BIN1: variants seen among roughly 807,000 people sequenced by gnomAD.
BIN1 encodes the protein myc box-dependent-interacting protein 1.
Under a neutral mutation model 82.0 loss-of-function variants are expected in BIN1, and 53 were observed. That is an observed-to-expected ratio of 0.65 (90% confidence interval 0.52 to 0.81). The LOEUF is 0.81. Ranked by LOEUF, BIN1 falls within the 40% of genes least tolerant of loss-of-function variation. The probability of loss-of-function intolerance (pLI) is 0.00; values close to 1 mark genes in which losing one functional copy is unlikely to be tolerated. For missense variants in BIN1, 642 were observed against 784.4 expected (o/e 0.82, Z 2.17); for synonymous variants, 302 against 328.0 (o/e 0.92, Z 0.86).
chr2:127,050,270 G>A (rs948874070), intron 18 of BIN1, 151 bp downstream of exon 18: 13 of 749,272 alleles, frequency 1.7e-5, no homozygotes, highest in Non-Finnish European at 2.8e-5. Flanking sequence ...AAAGCCCGAC[G>A]TGGAGGGCGG....
Position 127,057,404 on chromosome 2 carries a change from G to T in BIN1, c.1131+69C>A. On this transcript the variant is annotated intron_variant, in intron 12 of 18. Transcript: ENST00000316724. The surrounding 1 kb of genome is among the most constrained non-coding windows in gnomAD (Gnocchi z 5.0). Reference sequence around the variant, plus strand: ...TGGCTCTTGAGACAGAAGCATAGAGGATGAAGGCCATGCACGCCCTGAGAG... The same window carrying T: ...TGGCTCTTGAGACAGAAGCATAGAGTATGAAGGCCATGCACGCCCTGAGAG... The T allele has an allele frequency of 6.8e-7, 1 of 1,480,382 alleles. No homozygotes were observed. The highest frequency in any genetic ancestry group is 1.3e-5 in the South Asian group (1 of 75,418). The allele number at this position is 1,480,382 out of a possible 1,614,324, so 91.7% of individuals were successfully genotyped here. A position where few individuals can be genotyped will look rare whatever the true frequency, so the allele number is the denominator to read the frequency against.
chr2:127,087,468 C>T (rs1482867569), intron 1 of BIN1, among the ~76,000 whole-genome samples: 1 of 152,200 alleles, frequency 6.6e-6, no homozygotes, highest in Non-Finnish European at 1.5e-5. Context: ...GGTGGTGCCA[C>T]GTGGACCCCA....
intron 1 of BIN1, among the ~76,000 whole-genome samples, chr2:127,097,364 TCCTCCAGGCCCAGCAGCGTCAGC>T (rs1679741527): frequency 1.1e-4 from 10 of 87,520 alleles, no homozygotes; most frequent in African/African-American, 2.3e-4. Context: ...GCAGCGTCAC[TCCTCCAGGCCCAGCAGCGTCAGC>T]CCTCCAGGCC....
At chr2:127,049,908 G>T (rs1438866379) in intron 18 of BIN1, among the ~76,000 whole-genome samples, 2 of 152,216 alleles carry the variant, frequency 1.3e-5, no homozygotes, top group African/African-American at 4.8e-5. Flanking sequence ...CTCAGCCGGG[G>T]ACACAGCTGG....
At chr2:127,049,249 CCTAT>C (rs3835781) in intron 18 of BIN1, among the ~76,000 whole-genome samples, 25,292 of 152,094 alleles carry the variant, frequency 0.17, 2,375 homozygotes, top group East Asian at 0.24. Context: ...CTACTCATGC[CCTAT>C]CTGAGCCCCC....
chr2:127,106,541 T>C (rs1322293611), intron 1 of BIN1, among the ~76,000 whole-genome samples: 1 of 151,684 alleles, frequency 6.6e-6, no homozygotes, highest in Non-Finnish European at 1.5e-5. Context: ...CAAAGCGGGG[T>C]AGCCTGGAGC....
At chr2:127,087,533 C>A (rs187445002) in intron 1 of BIN1, among the ~76,000 whole-genome samples, 12 of 152,310 alleles carry the variant, frequency 7.9e-5, no homozygotes, top group African/African-American at 2.9e-4. Flanking sequence ...GAGCACACAG[C>A]GTGAGTGGAG....
chr2:127,048,758 A>T, intron 18 of BIN1, 125 bp from the exon 19 acceptor site: 1 of 866,838 alleles, frequency 1.2e-6, no homozygotes, highest in Non-Finnish European at 1.9e-6. Flanking sequence ...CAGCCTGCCA[A>T]GCCCACCTTG....
intron 9 of BIN1, among the ~76,000 whole-genome samples, 195 bp from the exon 10 acceptor site, chr2:127,062,392 G>A (rs1182157272): frequency 6.6e-6 from 1 of 152,200 alleles, no homozygotes; most frequent in African/African-American, 2.4e-5. Flanking sequence ...GGGCAAGTGG[G>A]CTATATCACT....
chr2:127,063,069 A>G (rs1447176131), intron 9 of BIN1, among the ~76,000 whole-genome samples: 1 of 152,252 alleles, frequency 6.6e-6, no homozygotes, highest in Non-Finnish European at 1.5e-5. Context: ...TTTAGTTGCC[A>G]GATAGGTTAA....
intron 12 of BIN1, chr2:127,055,807 C>T (rs1257641974): frequency 6.6e-6 from 1 of 152,292 alleles, no homozygotes; most frequent in Non-Finnish European, 1.5e-5. Context: ...ACTCACCACC[C>T]CACAGCCGGG....
intron 1 of BIN1, among the ~76,000 whole-genome samples, chr2:127,097,131 C>T (rs1377884839): frequency 6.6e-6 from 1 of 152,204 alleles, no homozygotes; most frequent in Non-Finnish European, 1.5e-5. Flanking sequence ...CCTCTGAGGC[C>T]CCTCCCTAGC....
chr2:127,074,483 G>A (rs918123618), intron 2 of BIN1, among the ~76,000 whole-genome samples: 9 of 152,230 alleles, frequency 5.9e-5, no homozygotes, highest in African/African-American at 1.4e-4. Context: ...CCACCTGGCA[G>A]CCCGCAGCAC....
intron 1 of BIN1, among the ~76,000 whole-genome samples, chr2:127,106,081 G>C (rs1009381542): frequency 6.6e-6 from 1 of 152,220 alleles, no homozygotes; most frequent in Non-Finnish European, 1.5e-5. Context: ...AGGAGGGGTC[G>C]GGTTTCCTGT....
At chr2:127,083,915 G>A (rs1485138178) in intron 1 of BIN1, among the ~76,000 whole-genome samples, 2 of 152,134 alleles carry the variant, frequency 1.3e-5, no homozygotes, top group African/African-American at 4.8e-5. Flanking sequence ...CCTTCCCACC[G>A]CACCACAGCT....
chr2:127,059,305 A>C lies in BIN1; in HGVS notation c.858-150T>G. The C allele has an allele frequency of 6.1e-6, 2 of 330,130 alleles. No individual in the cohort carries two copies. The highest frequency in any genetic ancestry group is 9.9e-6 in the Non-Finnish European group (2 of 201,942). 20.5% of individuals were successfully genotyped at this position (330,130 alleles called of 1,614,324 possible). A position where few individuals can be genotyped will look rare whatever the true frequency, so the allele number is the denominator to read the frequency against. On this transcript the variant is annotated intron_variant, in intron 10 of 18. Coordinates refer to ENST00000316724, the MANE Select transcript of BIN1 (RefSeq NM_139343.3). The surrounding 1 kb of genome is among the most constrained non-coding windows in gnomAD (Gnocchi z 6.7). ...GTGTGTGTGTGTGTATGTGAGAGAG[A>C]GCAGGAGGGTGGGGGGAGCCAAGGG...
intron 4 of BIN1, 63 bp from the exon 5 acceptor site, chr2:127,070,153 C>T (rs1189886521): frequency 2.1e-6 from 3 of 1,396,422 alleles, no homozygotes; most frequent in Non-Finnish European, 3.0e-6. Flanking sequence ...CCCCAGCGCT[C>T]ACCTCGCAGG....
At position 127,067,509 on chromosome 2, in the gene BIN1, G is replaced by C. The variant is rs749263588; in HGVS notation, c.612+654C>G. On this transcript the variant is annotated intron_variant, in intron 7 of 18. Transcript: ENST00000316724. This position sits in a 1 kb window ranked among gnomAD's most constrained non-coding sequence, Gnocchi z 4.7. ...AGCCCCCCAGGAACACTGTGGTGCTGGTCACTTGCCCTCCATGAATCCCCA... is the reference window on the plus strand; with the variant it reads ...AGCCCCCCAGGAACACTGTGGTGCTCGTCACTTGCCCTCCATGAATCCCCA... Among the ~76,000 whole-genome samples the C allele has an allele frequency of 2.6e-5, 4 of 152,160 alleles. No individual in the cohort carries two copies. The highest frequency in any genetic ancestry group is 5.9e-5 in the Non-Finnish European group (4 of 68,020).
rs951171700 is a variant in BIN1 at position 127,057,576 on chromosome 2, G to A, written c.1028C>T (p.Pro343Leu). 6 of 1,539,794 alleles carry A rather than the reference G, an allele frequency of 3.9e-6. No homozygotes were observed. The highest frequency in any genetic ancestry group is 1.8e-4 in the Middle Eastern group (1 of 5,488). The change falls in exon 12 of 19, where the codon CCG becomes CTG. Residue 343 changes from proline (P) to leucine (L), a missense_variant. By Grantham distance (98) the Pro-to-Leu change is moderately conservative. Transcript: ENST00000316724. This position sits in a 1 kb window ranked among gnomAD's most constrained non-coding sequence, Gnocchi z 5.0. Reference sequence around the variant, plus strand: ...CTTGGACGGGGTGTGTTTGGGAGGCGGAGGGACTGGTGGGCCTTTCCGGAG... The same window carrying A: ...CTTGGACGGGGTGTGTTTGGGAGGCAGAGGGACTGGTGGGCCTTTCCGGAG... ...SQLRKGPPVP[P>L]PPKHTPSKEV...
Sources: allele counts gnomAD v4.1 joint callset (sites outside exome capture counted in the v4.1 genomes callset), GRCh38; gene constraint gnomAD v4.1.1; non-coding constraint Gnocchi (gnomAD v3.1); transcripts MANE v1.5; gene names NCBI Gene and HGNC (gene_info 2026-07-23, HGNC 2026-07-21).